The following CLVS1 variants were observed in gnomAD, a reference collection of about 807,000 sequenced individuals.
CLVS1 encodes the protein clavesin-1.
CLVS1 carries 10 observed loss-of-function variants against 33.1 expected under a neutral mutation model. The observed-to-expected ratio is 0.30, with a 90% CI of 0.19 to 0.51. The LOEUF is 0.51. CLVS1 is among the 20% of genes least tolerant of loss of function. CLVS1 has a pLI of 0.97. For synonymous variants in CLVS1, 163 were observed against 166.1 expected (o/e 0.98, Z 0.14); for missense variants, 343 against 433.4 (o/e 0.79, Z 1.85).
intron 2 of CLVS1, among the ~76,000 whole-genome samples, chr8:61,171,620 G>A (rs1807001896): frequency 6.6e-6 from 1 of 152,076 alleles, no homozygotes; most frequent in African/African-American, 2.4e-5. Flanking sequence ...AAGTCAACAG[G>A]ATTTGTTCTT....
In CLVS1 at chr8:61,135,433, T is replaced by C. The variant is rs113732787; in HGVS notation, c.-152+3573T>C. On this transcript the variant is annotated intron_variant, in intron 2 of 2. Coordinates refer to the CLVS1 transcript ENST00000522621. Reference sequence around the variant, plus strand: ...GTCAATGAGAAGCAATGAGGAGCCATGAGATTGTGCTGGGATGATTTTAAT... The same window carrying C: ...GTCAATGAGAAGCAATGAGGAGCCACGAGATTGTGCTGGGATGATTTTAAT... 7.9e-3 allele frequency among the ~76,000 whole-genome samples: 1,204 copies of C among 152,180 alleles called. 11 individuals carry two copies. The highest frequency in any genetic ancestry group is 0.027 in the African/African-American group (1,140 of 41,510).
intron 2 of CLVS1, among the ~76,000 whole-genome samples, chr8:61,142,214 G>A (rs1216960252): frequency 6.6e-6 from 1 of 152,144 alleles, no homozygotes; most frequent in African/African-American, 2.4e-5. Flanking sequence ...TCTCGTGATA[G>A]TGAGTGAGTT....
intron 1 of CLVS1, among the ~76,000 whole-genome samples, chr8:61,083,469 G>T (rs1009124311): frequency 6.6e-5 from 10 of 152,112 alleles, no homozygotes; most frequent in African/African-American, 2.4e-4. Flanking sequence ...CAACTGAGGG[G>T]GTTTGGGAGC....
chr8:61,023,633 C>A, the CLVS1 span, among the ~76,000 whole-genome samples: 1 of 152,240 alleles, frequency 6.6e-6, no homozygotes, highest in Non-Finnish European at 1.5e-5. Context: ...TCCTCGCCTG[C>A]GCCATCCGCA....
the CLVS1 span, among the ~76,000 whole-genome samples, chr8:61,042,990 C>A: frequency 6.6e-6 from 1 of 152,142 alleles, no homozygotes; most frequent in Non-Finnish European, 1.5e-5. Context: ...TAGGTTATGT[C>A]CAGCTTGTTC....
chr8:61,457,981 G>C (rs1817228209), intron 4 of CLVS1, among the ~76,000 whole-genome samples: 1 of 152,240 alleles, frequency 6.6e-6, no homozygotes, highest in African/African-American at 2.4e-5. Context: ...AGCAATAGCT[G>C]GGGTTTCAGG....
At chr8:61,160,485 G>A (rs1486659) in intron 2 of CLVS1, among the ~76,000 whole-genome samples, 80,832 of 152,004 alleles carry the variant, frequency 0.53, 22,436 homozygotes, top group Middle Eastern at 0.73. Flanking sequence ...AGTCAAGACT[G>A]CAGGAGCAGA....
At chr8:61,328,574 ATTTC>A (rs780794638) in intron 2 of CLVS1, among the ~76,000 whole-genome samples, 10 of 151,266 alleles carry the variant, frequency 6.6e-5, no homozygotes, top group Non-Finnish European at 1.3e-4. Context: ...AAGAACTGTC[ATTTC>A]TTTCTTCATT....
At chr8:61,284,184 A>G (rs1399261893), upstream of CLVS1, among the ~76,000 whole-genome samples, 1 of 152,184 alleles carries the variant, frequency 6.6e-6, no homozygotes, top group African/African-American at 2.4e-5. Context: ...ATAGAAGTAG[A>G]AAGTAGAATA....
At chr8:61,084,180 A>T (rs1805076668) in intron 1 of CLVS1, among the ~76,000 whole-genome samples, 2 of 152,238 alleles carry the variant, frequency 1.3e-5, no homozygotes, top group African/African-American at 4.8e-5. Context: ...AGGATTGAAG[A>T]CTATATCGTC....
chr8:61,069,464 AT>A (rs1367257754), intron 1 of CLVS1, among the ~76,000 whole-genome samples: 3 of 150,856 alleles, frequency 2.0e-5, no homozygotes, highest in African/African-American at 7.3e-5. Context: ...AAAGTAAATT[AT>A]TTGCATACTT....
At chr8:60,984,025 G>A in the CLVS1 span, among the ~76,000 whole-genome samples, 2 of 152,140 alleles carry the variant, frequency 1.3e-5, no homozygotes, top group Admixed American at 1.3e-4. Context: ...CCAGCCAGTT[G>A]GGTTGGCTGC....
At chr8:61,041,309 G>C in the CLVS1 span, among the ~76,000 whole-genome samples, 1 of 151,944 alleles carries the variant, frequency 6.6e-6, no homozygotes, top group African/African-American at 2.4e-5. Flanking sequence ...GGTTATTCAG[G>C]CTTTTTTTTT....
chr8:61,263,857 T>C (rs1339210390), intron 2 of CLVS1, among the ~76,000 whole-genome samples: 2 of 152,318 alleles, frequency 1.3e-5, no homozygotes, highest in East Asian at 1.9e-4. Flanking sequence ...TCAAATGAGA[T>C]GGTAGATATG....
At chr8:61,226,980 GT>G (rs55718731) in intron 2 of CLVS1, among the ~76,000 whole-genome samples, 35,408 of 131,860 alleles carry the variant, frequency 0.27, 4,100 homozygotes, top group African/African-American at 0.45. Context: ...ACGAAAACAT[GT>G]TTTTTTTTTT....
the CLVS1 span, among the ~76,000 whole-genome samples, chr8:60,980,013 G>A: frequency 6.6e-6 from 1 of 152,190 alleles, no homozygotes; most frequent in Non-Finnish European, 1.5e-5. Context: ...AACAGCGTAA[G>A]TTCCTCATTC....
At chr8:61,139,314 C>T (rs1177840765) in intron 2 of CLVS1, among the ~76,000 whole-genome samples, 2 of 152,226 alleles carry the variant, frequency 1.3e-5, no homozygotes, top group Non-Finnish European at 2.9e-5. Flanking sequence ...TCAAGCGACT[C>T]CCCCGGGAAC....
At chr8:61,070,033 T>G (rs1804763701) in intron 1 of CLVS1, among the ~76,000 whole-genome samples, 1 of 152,174 alleles carries the variant, frequency 6.6e-6, no homozygotes, top group Middle Eastern at 3.2e-3. Flanking sequence ...CTTCCTGTGA[T>G]CCACCCGCCT....
chr8:61,350,064 C>T (rs540604310), intron 2 of CLVS1, among the ~76,000 whole-genome samples: 29 of 152,126 alleles, frequency 1.9e-4, no homozygotes, highest in Non-Finnish European at 3.1e-4. Flanking sequence ...ATATGTTGGT[C>T]AAAGGATATA....
Sources: allele counts gnomAD v4.1 joint callset (sites outside exome capture counted in the v4.1 genomes callset), GRCh38; gene constraint gnomAD v4.1.1; transcripts MANE v1.5; gene names NCBI Gene and HGNC (gene_info 2026-07-23, HGNC 2026-07-21).